The following ZNF317 variants were observed in gnomAD, a reference collection of about 807,000 sequenced individuals.
The protein encoded by ZNF317 is KRAB-containing zinc finger protein 317.
Under a neutral mutation model 23.4 loss-of-function variants are expected in ZNF317, and 17 were observed. That is an observed-to-expected ratio of 0.73 (90% CI 0.50 to 1.09). The LOEUF is 1.09. ZNF317 is among the 50% of genes least tolerant of loss of function. The pLI is 0.00. For synonymous variants in ZNF317, 317 were observed against 314.9 expected (o/e 1.01, Z -0.07); for missense variants, 679 against 796.7 (o/e 0.85, Z 1.78).
intron 1 of ZNF317, among the ~76,000 whole-genome samples, chr19:9,146,513 C>T (rs1217477473): frequency 5.3e-5 from 8 of 151,286 alleles, no homozygotes; most frequent in African/African-American, 1.2e-4. Flanking sequence ...CTGCAACCTC[C>T]GCCTCTCAGG....
chr19:9,156,006 A>G lies in ZNF317; in HGVS notation c.-11A>G, dbSNP rs763474973. 1.3e-5 allele frequency: 21 copies of G among 1,614,036 alleles called. No individual in the cohort carries two copies. Among genetic ancestry groups the G allele is most frequent in the African/African-American group, 2.7e-5 (2 of 74,918 alleles). ...GCCCTGCTCAGGCAAACTGACTGCC[A>G]TTCTCTGAGGATGGCAGCTCTGTCC... On this transcript the variant is annotated 5_prime_UTR_variant, in exon 2 of 7. Coordinates refer to ENST00000247956, the MANE Select transcript of ZNF317 (RefSeq NM_020933.5).
intron 1 of ZNF317, among the ~76,000 whole-genome samples, chr19:9,141,689 C>A (rs1302393055): frequency 6.6e-6 from 1 of 152,174 alleles, no homozygotes; most frequent in Non-Finnish European, 1.5e-5. Flanking sequence ...TGTGGTGAAT[C>A]TATATTTGAA....
chr19:9,152,153 G>A lies in ZNF317; in HGVS notation c.-92-3772G>A, dbSNP rs572508285. Among the ~76,000 whole-genome samples, 14 of 151,808 alleles carry A rather than the reference G, an allele frequency of 9.2e-5. No homozygotes were observed. In the South Asian group the frequency reaches 2.1e-3, roughly 23 times the overall value. ...GATCTCCTGACCTCCTGATCCACCC[G>A]CCTCGGCCTCCCAAAATGCTGGGAT... On this transcript the variant is annotated intron_variant, in intron 1 of 6. Transcript: ENST00000247956.
chr19:9,157,803 A>G lies in ZNF317; in HGVS notation c.290-177A>G, dbSNP rs889527041. 1.0e-5 allele frequency: 14 copies of G among 1,355,592 alleles called. No individual in the cohort carries two copies. In the Admixed American group the frequency reaches 1.1e-4, roughly 10 times the overall value. The allele number at this position is 1,355,592 out of a possible 1,614,324, so 84.0% of individuals were successfully genotyped here. ...TGCTTTGCCTGTGGTTTTGTTTTCT[A>G]TCAGTCAAAAACTTTTACTGTGTTC... On this transcript the variant is annotated intron_variant, in intron 4 of 6. Coordinates refer to ENST00000247956, the MANE Select transcript of ZNF317 (RefSeq NM_020933.5).
chr19:9,144,292 C>T (rs970880848), intron 1 of ZNF317, among the ~76,000 whole-genome samples: 5 of 152,136 alleles, frequency 3.3e-5, no homozygotes, highest in African/African-American at 4.8e-5. Context: ...CATGAGCCAC[C>T]GCGCCCGGCT....
In ZNF317 at chr19:9,160,739, C is replaced by A; in HGVS notation, c.1094C>A (p.Thr365Lys). The change falls in exon 7 of 7, where the codon ACG becomes AAG. Residue 365 changes from threonine (T) to lysine (K), a missense_variant. By Grantham distance (78) the Thr-to-Lys change is moderately conservative. Coordinates refer to ENST00000247956, the MANE Select transcript of ZNF317 (RefSeq NM_020933.5). This position sits in a 1 kb window ranked among gnomAD's most constrained non-coding sequence, Gnocchi z 6.8. ...NHTGEKPYAC[T>K]QCGKAFRWKS... ...ACGGGGGAGAAGCCCTACGCGTGCA[C>A]GCAGTGCGGCAAAGCCTTCCGCTGG... 6.2e-7 allele frequency: 1 copy of A among 1,611,956 alleles called. No individual in the cohort carries two copies. Among genetic ancestry groups the A allele is most frequent in the South Asian group, 1.1e-5 (1 of 90,632 alleles).
chr19:9,147,640 C>G (rs1468606530), intron 1 of ZNF317, among the ~76,000 whole-genome samples: 7 of 152,086 alleles, frequency 4.6e-5, no homozygotes, highest in Non-Finnish European at 1.5e-5. Flanking sequence ...CCCGGCTGAT[C>G]CTGGTTTTGT....
At chr19:9,151,120 G>A (rs1392231320) in intron 1 of ZNF317, among the ~76,000 whole-genome samples, 1 of 152,170 alleles carries the variant, frequency 6.6e-6, no homozygotes, top group Non-Finnish European at 1.5e-5. Flanking sequence ...ATGAATGAAT[G>A]GTAGGTGAGG....
At chr19:9,154,142 A>G (rs1273887534) in intron 1 of ZNF317, among the ~76,000 whole-genome samples, 2 of 144,792 alleles carry the variant, frequency 1.4e-5, no homozygotes, top group East Asian at 2.0e-4. Context: ...TCTTTGTCAT[A>G]GAAGGAAAGG....
In ZNF317 at chr19:9,158,030, G is replaced by T. The variant is rs200289169; in HGVS notation, c.340G>T (p.Glu114Ter). 14 of 1,551,546 alleles carry T rather than the reference G, an allele frequency of 9.0e-6. No homozygotes were observed. The East Asian group carries it at 3.4e-4, about 38-fold the overall frequency. The change falls in exon 5 of 7, where the codon GAG becomes TAG. Residue 114 changes from glutamate (E) to a stop codon, truncating the protein, a stop_gained. Coordinates refer to ENST00000247956, the MANE Select transcript of ZNF317 (RefSeq NM_020933.5). LOFTEE classifies it high-confidence loss of function. ...CATCTCACACTTGGAGCAGGAGGAG[G>T]AGCCGAGGACAGAGGAGAGGGGCGC... is the stretch of plus-strand genomic sequence containing the variant. ...SLISHLEQEEEPRTEERGAHQ... is the reference protein window; with the variant it reads ...SLISHLEQEE
rs910426784 is a variant in ZNF317, at chr19:9,140,594, T to G, written c.-93+2T>G. On this transcript the variant is annotated splice_donor_variant, in intron 1 of 6. Coordinates refer to ENST00000247956, the MANE Select transcript of ZNF317 (RefSeq NM_020933.5). LOFTEE classifies it low-confidence loss of function (5UTR_SPLICE). ...TCCCCCGATCCTATTCCCAGTCGTG[T>G]AAGCCCTGCTTTCCTTAACCCTTCT... is the stretch of plus-strand genomic sequence containing the variant. 10 of 456,424 alleles carry G rather than the reference T, an allele frequency of 2.2e-5. No individual in the cohort carries two copies. Among genetic ancestry groups the G allele is most frequent in the Non-Finnish European group, 4.4e-5 (10 of 226,914 alleles). 28.3% of individuals were successfully genotyped at this position (456,424 alleles called of 1,614,324 possible). A position where few individuals can be genotyped will look rare whatever the true frequency, so the allele number is the denominator to read the frequency against.
chr19:9,155,237 G>T (rs949191024), intron 1 of ZNF317, among the ~76,000 whole-genome samples: 3 of 151,420 alleles, frequency 2.0e-5, no homozygotes, highest in Non-Finnish European at 2.9e-5. Flanking sequence ...TTACTCTATT[G>T]CCCAGGCTGG....
chr19:9,155,874 G>A, intron 1 of ZNF317, 51 bp from the exon 2 acceptor site: 2 of 1,010,496 alleles, frequency 2.0e-6, no homozygotes. Context: ...TTGGTGAGCA[G>A]GAGAGACAGA....
chr19:9,155,761 C>T (rs1029126997), intron 1 of ZNF317, among the ~76,000 whole-genome samples, 164 bp from the exon 2 acceptor site: 4 of 152,162 alleles, frequency 2.6e-5, no homozygotes, highest in Admixed American at 2.6e-4. Context: ...ACCACATCAC[C>T]ACATTGCTGA....
intron 1 of ZNF317, among the ~76,000 whole-genome samples, chr19:9,148,917 C>T (rs775612160): frequency 1.3e-5 from 2 of 152,106 alleles, no homozygotes; most frequent in Non-Finnish European, 2.9e-5. Flanking sequence ...AAAATATAGA[C>T]GACAGAATGC....
At chr19:9,157,763 A>G in intron 4 of ZNF317, 1 of 1,303,446 alleles carries the variant, frequency 7.7e-7, no homozygotes, top group Non-Finnish European at 9.8e-7. Flanking sequence ...TCCTGGCTAC[A>G]GGCACGAGCC....
chr19:9,159,299 C>G (rs2050821076), intron 6 of ZNF317, among the ~76,000 whole-genome samples: 1 of 152,158 alleles, frequency 6.6e-6, no homozygotes, highest in Non-Finnish European at 1.5e-5. Flanking sequence ...ACCTCTGCCT[C>G]CCAGGCTCAA....
At chr19:9,152,402 G>A (rs1167181648) in intron 1 of ZNF317, among the ~76,000 whole-genome samples, 1 of 152,200 alleles carries the variant, frequency 6.6e-6, no homozygotes, top group Non-Finnish European at 1.5e-5. Flanking sequence ...CCTGCCGCAG[G>A]AGGTGAGCGG....
chr19:9,153,583 G>A lies in ZNF317; in HGVS notation c.-92-2342G>A, dbSNP rs112412757. Among the ~76,000 whole-genome samples, 266 of 152,312 alleles carry A rather than the reference G, an allele frequency of 1.7e-3. 2 individuals are homozygous for A. Among genetic ancestry groups the A allele is most frequent in the African/African-American group, 5.8e-3 (243 of 41,566 alleles). Reference sequence around the variant, plus strand: ...GGGGATTCAGGTTAAATGAGTGGATGTGATTACCTGGGCAAAGCATGAGGC... The same window carrying A: ...GGGGATTCAGGTTAAATGAGTGGATATGATTACCTGGGCAAAGCATGAGGC... On this transcript the variant is annotated intron_variant, in intron 1 of 6. Transcript: ENST00000247956.
Sources: gnomAD v4.1 joint callset for allele counts (sites outside exome capture counted in the v4.1 genomes callset) on GRCh38, gnomAD v4.1.1 for gene constraint, Gnocchi (gnomAD v3.1) non-coding constraint, MANE v1.5 for transcripts, NCBI Gene and HGNC (gene_info 2026-07-23, HGNC 2026-07-21) for gene names.